Variants in ZNF362 observed in about 807,000 individuals in gnomAD.
The protein encoded by ZNF362 is rotund homolog.
Under a neutral mutation model 42.9 loss-of-function variants are expected in ZNF362, and 11 were observed. The ratio of observed to expected loss-of-function variants is 0.26; its 90% CI spans 0.16 to 0.42. The LOEUF (loss-of-function observed/expected upper bound fraction) is 0.42, where lower values mean the gene tolerates loss of function less well. Ranked by LOEUF, ZNF362 falls within the 20% of genes least tolerant of loss-of-function variation. The pLI is 1.00. For missense variants in ZNF362, 362 were observed against 576.2 expected (o/e 0.63, Z 3.81); for synonymous variants, 255 against 257.3 (o/e 0.99, Z 0.09).
the ZNF362 span, chr1:33,159,925 C>T: frequency 1.1e-5 from 17 of 1,605,602 alleles, no homozygotes; most frequent in South Asian, 3.3e-5. This position sits in a 1 kb window ranked among gnomAD's most constrained non-coding sequence, Gnocchi z 4.2. Flanking sequence ...GATAGTGGTC[C>T]GCAGGCTCTT....
the ZNF362 span, among the ~76,000 whole-genome samples, chr1:33,148,944 G>C: frequency 6.6e-6 from 1 of 152,142 alleles, no homozygotes; most frequent in Non-Finnish European, 1.5e-5. Flanking sequence ...TCTAGCGCCA[G>C]TCCTTTCTCC....
intron 2 of ZNF362, among the ~76,000 whole-genome samples, chr1:33,274,324 A>T (rs974663550): frequency 2.0e-5 from 3 of 152,208 alleles, no homozygotes; most frequent in Non-Finnish European, 4.4e-5. Context: ...GAGCTATAAA[A>T]TGGGAATGAT....
the ZNF362 span, chr1:33,180,906 C>T: frequency 5.2e-3 from 2,485 of 478,750 alleles, 53 homozygotes; most frequent in African/African-American, 0.052. Flanking sequence ...TTGCTGGCGG[C>T]CCCGCCCCAG....
At chr1:33,238,739 C>G in the ZNF362 span, among the ~76,000 whole-genome samples, 1 of 151,982 alleles carries the variant, frequency 6.6e-6, no homozygotes, top group East Asian at 1.9e-4. Context: ...GGTCCTAATC[C>G]GATAGGACTG....
At chr1:33,218,192 G>T in the ZNF362 span, among the ~76,000 whole-genome samples, 1 of 152,174 alleles carries the variant, frequency 6.6e-6, no homozygotes, top group East Asian at 1.9e-4. Context: ...CTATAATCCA[G>T]CACTTTGGAA....
At chr1:33,127,703 T>A in the ZNF362 span, among the ~76,000 whole-genome samples, 5 of 152,220 alleles carry the variant, frequency 3.3e-5, no homozygotes, top group South Asian at 6.2e-4. Flanking sequence ...GTCTCCGATG[T>A]CCTTCTCAAC....
At chr1:33,186,022 G>C in the ZNF362 span, among the ~76,000 whole-genome samples, 2 of 152,170 alleles carry the variant, frequency 1.3e-5, no homozygotes, top group South Asian at 4.2e-4. Context: ...AAAGAAAATT[G>C]ATCCTCATTA....
rs1023423047 is a variant in ZNF362 at position 33,299,519 on chromosome 1, G to A, written c.*473G>A. 6.4e-6 allele frequency: 1 copy of A among 155,988 alleles called. No individual in the cohort carries two copies. Among genetic ancestry groups the A allele is most frequent in the Non-Finnish European group, 1.4e-5 (1 of 69,988 alleles). The allele number at this position is 155,988 out of a possible 1,614,324, so 9.7% of individuals were successfully genotyped here. The stretch of plus-strand genomic sequence containing the variant: ...GGCCTCAGGTCTTGAGGGAAGGCTC[G>A]GGCCTAGGTTTCTGGACTGCAAAGG... On this transcript the variant is annotated 3_prime_UTR_variant, in exon 9 of 9. Transcript: ENST00000539719.
At chr1:33,188,508 G>A in the ZNF362 span, among the ~76,000 whole-genome samples, 5 of 152,206 alleles carry the variant, frequency 3.3e-5, no homozygotes, top group East Asian at 1.9e-4. Flanking sequence ...AGGCAAATCT[G>A]TATCAGTCCC....
chr1:33,145,877 C>G, the ZNF362 span: 1 of 471,042 alleles, frequency 2.1e-6, no homozygotes, highest in African/African-American at 2.0e-5. Context: ...ATGACATTTC[C>G]CAGACTCCCT....
At chr1:33,160,809 G>A in the ZNF362 span, among the ~76,000 whole-genome samples, 2 of 152,202 alleles carry the variant, frequency 1.3e-5, no homozygotes, top group Non-Finnish European at 2.9e-5. Context: ...GCAACGTATT[G>A]AGAAAACCTT....
At chr1:33,265,134 G>A (rs1407877100) in intron 1 of ZNF362, among the ~76,000 whole-genome samples, 1 of 151,582 alleles carries the variant, frequency 6.6e-6, no homozygotes, top group Non-Finnish European at 1.5e-5. Context: ...AGGAGCTGGG[G>A]GTCCCCAGGA....
At chr1:33,198,551 C>G in the ZNF362 span, among the ~76,000 whole-genome samples, 1 of 152,092 alleles carries the variant, frequency 6.6e-6, no homozygotes, top group Non-Finnish European at 1.5e-5. Flanking sequence ...CCTCTAGTTT[C>G]AGCTACTTAG....
chr1:33,162,926 T>C, the ZNF362 span: 1 of 152,226 alleles, frequency 6.6e-6, no homozygotes, highest in Admixed American at 6.5e-5. Flanking sequence ...GGACTTCAGG[T>C]TGGTCCCTCA....
the ZNF362 span, among the ~76,000 whole-genome samples, chr1:33,170,724 G>A: frequency 4.5e-3 from 688 of 152,240 alleles, 3 homozygotes; most frequent in Non-Finnish European, 7.8e-3. Context: ...CACCCCTCCC[G>A]CTCCAACGTG....
At chr1:33,284,579 A>G (rs553111162) in intron 6 of ZNF362, among the ~76,000 whole-genome samples, 1 of 152,126 alleles carries the variant, frequency 6.6e-6, no homozygotes, top group Non-Finnish European at 1.5e-5. Context: ...ATGATTTATT[A>G]TTTCATATCT....
At position 33,276,389 on chromosome 1, in the gene ZNF362, G is replaced by A. The variant is rs369155647; in HGVS notation, c.144G>A (p.Leu48=). ...TGATTAACAAGATCAAGGAGCAGCTGATGGCCGAGAAGATCAGGCCGCCTC... is the reference window on the plus strand; with the variant it reads ...TGATTAACAAGATCAAGGAGCAGCTAATGGCCGAGAAGATCAGGCCGCCTC... ...LVLINKIKEQ[L]MAEKIRPPHL... The change falls in exon 4 of 9, where the codon CTG becomes CTA. Residue 48 remains leucine (L), a synonymous_variant. Transcript: ENST00000539719. 1.9e-6 allele frequency: 3 copies of A among 1,575,032 alleles called. No homozygotes were observed. The highest frequency in any genetic ancestry group is 2.6e-6 in the Non-Finnish European group (3 of 1,160,550).
chr1:33,165,835 TAC>T, the ZNF362 span: 3 of 302,782 alleles, frequency 9.9e-6, no homozygotes, highest in African/African-American at 2.2e-5. This position sits in a 1 kb window ranked among gnomAD's most constrained non-coding sequence, Gnocchi z 4.0. Flanking sequence ...GACTTCCACA[TAC>T]ACACTCTCTG....
At position 33,281,174 on chromosome 1, in the gene ZNF362, T is replaced by G. The variant is rs1450874869; in HGVS notation, c.684-413T>G. ...CTCCAGGAATTCTGAGTTAATTTTC[T>G]GAGGATGGAAAGTATGGAGGGTGGG... On this transcript the variant is annotated intron_variant, in intron 5 of 8. Transcript: ENST00000539719. This position sits in a 1 kb window ranked among gnomAD's most constrained non-coding sequence, Gnocchi z 4.8. Among the ~76,000 whole-genome samples, 1 of 152,196 alleles carries G rather than the reference T, an allele frequency of 6.6e-6. No individual in the cohort carries two copies. Among genetic ancestry groups the G allele is most frequent in the African/African-American group, 2.4e-5 (1 of 41,440 alleles).
Sources: allele counts gnomAD v4.1 joint callset (sites outside exome capture counted in the v4.1 genomes callset), GRCh38; gene constraint gnomAD v4.1.1; non-coding constraint Gnocchi (gnomAD v3.1); transcripts MANE v1.5; gene names NCBI Gene and HGNC (gene_info 2026-07-23, HGNC 2026-07-21).